Variants in PLCH1 observed in about 807,000 individuals in gnomAD.
The protein encoded by PLCH1 is phospholipase C eta 1.
Under a neutral mutation model 126.7 loss-of-function variants are expected in PLCH1, and 60 were observed. The ratio of observed to expected loss-of-function variants is 0.47; its 90% confidence interval spans 0.38 to 0.59. The LOEUF is 0.59. Ranked by LOEUF, PLCH1 falls within the 20% of genes least tolerant of loss-of-function variation. PLCH1 has a pLI of 0.00. For missense variants in PLCH1, 1,723 were observed against 2,040.0 expected (o/e 0.84, Z 2.99); for synonymous variants, 719 against 734.9 (o/e 0.98, Z 0.35).
At chr3:155,672,385 GAC>G (rs1743585613) in intron 2 of PLCH1, among the ~76,000 whole-genome samples, 1 of 152,114 alleles carries the variant, frequency 6.6e-6, no homozygotes, top group Non-Finnish European at 1.5e-5. Context: ...CTGTAGAACA[GAC>G]TAAAGCACAC....
chr3:155,723,869 G>A (rs538299227), intron 1 of PLCH1, among the ~76,000 whole-genome samples: 10 of 148,434 alleles, frequency 6.7e-5, no homozygotes, highest in African/African-American at 1.3e-4. Flanking sequence ...CAGAAGAATC[G>A]CTTGAACCCA....
At chr3:155,626,099 C>G (rs991601901) in intron 2 of PLCH1, among the ~76,000 whole-genome samples, 2 of 152,002 alleles carry the variant, frequency 1.3e-5, no homozygotes, top group African/African-American at 4.8e-5. Context: ...AGCTGGAAAC[C>G]ATCATTCTCA....
chr3:155,466,214 C>G (rs562945240), intron 21 of PLCH1, among the ~76,000 whole-genome samples: 2 of 152,328 alleles, frequency 1.3e-5, no homozygotes, highest in East Asian at 3.9e-4. Context: ...GGATCTGACC[C>G]AGTGCAGTCA....
intron 8 of PLCH1, among the ~76,000 whole-genome samples, chr3:155,561,811 T>C (rs991957130): frequency 1.3e-5 from 2 of 152,186 alleles, no homozygotes; most frequent in Non-Finnish European, 2.9e-5. Flanking sequence ...TGATGGAATC[T>C]CATTCTGTTG....
rs1737801789 is a variant in PLCH1 at position 155,629,724 on chromosome 3, C to T, written c.80-33346G>A. On this transcript the variant is annotated intron_variant, in intron 2 of 22. Transcript: ENST00000460012. The stretch of plus-strand genomic sequence containing the variant: ...TAGACGTCTCAAATACTCCAGCAAC[C>T]TCCCACTGGGAGCGTAATTAATCCC... Among the ~76,000 whole-genome samples the T allele has an allele frequency of 2.6e-5, 4 of 152,274 alleles. No individual in the cohort carries two copies. In the South Asian group the frequency reaches 8.3e-4, roughly 32 times the overall value.
intron 2 of PLCH1, among the ~76,000 whole-genome samples, chr3:155,616,664 TG>T (rs1469560334): frequency 6.6e-6 from 1 of 152,170 alleles, no homozygotes; most frequent in African/African-American, 2.4e-5. Flanking sequence ...GATTTCTGCT[TG>T]CCTACAGGAA....
intron 2 of PLCH1, among the ~76,000 whole-genome samples, chr3:155,627,745 T>C (rs1205465907): frequency 6.6e-6 from 1 of 150,628 alleles, no homozygotes; most frequent in Non-Finnish European, 1.5e-5. Flanking sequence ...ATAAATCTAA[T>C]TTTGCCAAAA....
At chr3:155,633,412 T>TCACA (rs59152066) in intron 2 of PLCH1, among the ~76,000 whole-genome samples, 20,539 of 142,206 alleles carry the variant, frequency 0.14, 1,650 homozygotes, top group African/African-American at 0.23. Flanking sequence ...TTATATAACA[T>TCACA]CACACACACA....
At chr3:155,597,591 A>G (rs922900161) in intron 2 of PLCH1, among the ~76,000 whole-genome samples, 22 of 152,304 alleles carry the variant, frequency 1.4e-4, no homozygotes, top group African/African-American at 5.3e-4. Flanking sequence ...AAAGAAACAC[A>G]ATAAACAAAC....
intron 21 of PLCH1, among the ~76,000 whole-genome samples, chr3:155,469,013 T>C (rs1713043981): frequency 6.6e-6 from 1 of 152,194 alleles, no homozygotes; most frequent in Non-Finnish European, 1.5e-5. Context: ...ACAGACCATA[T>C]GTTAGGTCAC....
chr3:155,564,392 T>C (rs1728037389), intron 8 of PLCH1, among the ~76,000 whole-genome samples: 1 of 152,002 alleles, frequency 6.6e-6, no homozygotes, highest in Non-Finnish European at 1.5e-5. Context: ...TGAAACCCCG[T>C]CTCTACTAAA....
intron 1 of PLCH1, 115 bp from the exon 2 acceptor site, chr3:155,704,379 ACTT>A (rs1746501740): frequency 5.0e-6 from 2 of 396,394 alleles, no homozygotes; most frequent in Non-Finnish European, 8.9e-6. Flanking sequence ...ACGGCATACA[ACTT>A]CTCCACACAT....
At chr3:155,557,920 A>C (rs1276931634) in intron 8 of PLCH1, among the ~76,000 whole-genome samples, 1 of 152,178 alleles carries the variant, frequency 6.6e-6, no homozygotes, top group Non-Finnish European at 1.5e-5. Flanking sequence ...CAGTCCCATA[A>C]TGAGAATGAA....
intron 2 of PLCH1, among the ~76,000 whole-genome samples, chr3:155,611,843 G>T (rs936420756): frequency 8.5e-5 from 13 of 152,228 alleles, no homozygotes; most frequent in African/African-American, 3.1e-4. Context: ...AATAAAATTG[G>T]AAATTAACTC....
chr3:155,483,024 C>T lies in PLCH1; in HGVS notation c.3002G>A (p.Gly1001Glu). 6.2e-7 allele frequency: 1 copy of T among 1,613,494 alleles called. No individual in the cohort carries two copies. The highest frequency in any genetic ancestry group is 2.2e-5 in the East Asian group (1 of 44,880). ...LAEDKDGRRK[G>E]KASIKDPHFL... ...ATGTGGATCTTTTATACTTGCTTTCCCTTTTCTTCTGCCATCTTTATCTTC... is the reference window on the plus strand; with the variant it reads ...ATGTGGATCTTTTATACTTGCTTTCTCTTTTCTTCTGCCATCTTTATCTTC... Residue 1001 changes from glycine to glutamate, a missense_variant, in exon 23 of 23, where the codon GGG becomes GAG. Physicochemically the swap from Gly to Glu is moderately conservative, Grantham distance 98 (BLOSUM62 -2). Around this residue, in one of 2 missense-constraint regions of PLCH1, gnomAD observed 947 missense variants for 977.1 expected, o/e 0.97. Transcript: ENST00000460012.
At chr3:155,641,979 T>C (rs1435846844) in intron 2 of PLCH1, among the ~76,000 whole-genome samples, 1 of 152,152 alleles carries the variant, frequency 6.6e-6, no homozygotes, top group African/African-American at 2.4e-5. Flanking sequence ...TCAAGAGTAA[T>C]TGTTCCCAGT....
chr3:155,546,476 T>C lies in PLCH1; in HGVS notation c.1362+3311A>G, dbSNP rs369978977. ...TGGCCATACTGCCCAAGGTAATTTA[T>C]AGATTCAATGCCATCCCCATCAAGC... On this transcript the variant is annotated intron_variant, in intron 10 of 22. Coordinates refer to ENST00000460012, the MANE Select transcript of PLCH1 (RefSeq NM_014996.4). Among the ~76,000 whole-genome samples the C allele has an allele frequency of 1.9e-3, 285 of 151,878 alleles. 5 individuals carry two copies. In the East Asian group the frequency reaches 0.022, roughly 12 times the overall value.
intron 10 of PLCH1, among the ~76,000 whole-genome samples, chr3:155,533,108 C>T (rs1273198357): frequency 6.6e-6 from 1 of 152,188 alleles, no homozygotes; most frequent in Non-Finnish European, 1.5e-5. Context: ...TATGCTTTAG[C>T]AAAGAGACTG....
chr3:155,554,196 A>G lies in PLCH1; in HGVS notation c.1070T>C (p.Val357Ala), dbSNP rs1726512966. 6.2e-7 allele frequency: 1 copy of G among 1,611,904 alleles called. No homozygotes were observed. The highest frequency in any genetic ancestry group is 8.5e-7 in the Non-Finnish European group (1 of 1,179,264). ...TCCATCTGGGCCATCCCAACAGTCA[A>G]CTGCCAAAAACAGAACTTTATATCA... ...VLQEGCRCVE[V>A]DCWDGPDGEP... The change falls in exon 9 of 23, where the codon GTT (valine) becomes GCT (alanine). Residue 357 changes from valine (V) to alanine (A), a missense_variant and splice_region_variant. Around this residue, in one of 2 missense-constraint regions of PLCH1, gnomAD observed 776 missense variants for 1,062.9 expected, o/e 0.73. Transcript: ENST00000460012.
Sources: allele counts gnomAD v4.1 joint callset (sites outside exome capture counted in the v4.1 genomes callset), GRCh38; gene constraint gnomAD v4.1.1; regional missense constraint gnomAD v4.1.1; transcripts MANE v1.5; gene names NCBI Gene and HGNC (gene_info 2026-07-23, HGNC 2026-07-21).